TENM4: variants seen among roughly 807,000 people sequenced by gnomAD.
The protein encoded by TENM4 is teneurin-4.
TENM4 carries 82 observed loss-of-function variants against 243.3 expected under a neutral mutation model. That is an observed-to-expected ratio of 0.34 (90% CI 0.28 to 0.40). The LOEUF is 0.40. Ranked by LOEUF, TENM4 falls within the 10% of genes least tolerant of loss-of-function variation. The pLI, the probability that TENM4 is intolerant of heterozygous loss-of-function variation, is 1.00. For missense variants in TENM4, 3,138 were observed against 3,673.3 expected, an observed-to-expected ratio of 0.85 and a Z score of 3.77; for synonymous variants, 1,412 against 1,456.3, an observed-to-expected ratio of 0.97 and a Z score of 0.69.
intron 6 of TENM4, among the ~76,000 whole-genome samples, chr11:78,964,596 C>G (rs1857401627): frequency 6.6e-6 from 1 of 152,212 alleles, no homozygotes; most frequent in Admixed American, 6.5e-5. Context: ...CCTTGAGAGC[C>G]TGCCTTCCCT....
chr11:79,084,528 G>A lies in TENM4; in HGVS notation c.-65-14519C>T, dbSNP rs111846446. On this transcript the variant is annotated intron_variant, in intron 4 of 33. Coordinates refer to ENST00000278550, the MANE Select transcript of TENM4 (RefSeq NM_001098816.3). ...ACAGAATGCCATGGAATATGACTCCGTGATAAAAAACAATGAACTAATGCT... is the reference window on the plus strand; with the variant it reads ...ACAGAATGCCATGGAATATGACTCCATGATAAAAAACAATGAACTAATGCT... 4.5e-3 allele frequency among the ~76,000 whole-genome samples: 683 copies of A among 152,272 alleles called. 4 individuals carry two copies. Among genetic ancestry groups the A allele is most frequent in the African/African-American group, 0.016 (653 of 41,560 alleles).
chr11:78,926,691 C>T (rs11237661), intron 6 of TENM4, among the ~76,000 whole-genome samples: 33,088 of 92,476 alleles, frequency 0.36, 7,607 homozygotes, highest in African/African-American at 0.69. Context: ...TTTTTTTTTT[C>T]TGCCACAGAG....
At chr11:79,073,129 A>G (rs570723540) in intron 4 of TENM4, among the ~76,000 whole-genome samples, 57 of 152,346 alleles carry the variant, frequency 3.7e-4, no homozygotes, top group Admixed American at 3.1e-3. Flanking sequence ...GCAAATGGGT[A>G]TAACTGCTGT....
intron 6 of TENM4, among the ~76,000 whole-genome samples, chr11:79,020,871 A>G (rs1236946497): frequency 6.6e-6 from 1 of 152,214 alleles, no homozygotes; most frequent in Non-Finnish European, 1.5e-5. Flanking sequence ...GGCCCTAAAG[A>G]GAATTCCATA....
At chr11:79,100,633 C>A (rs886266283) in intron 4 of TENM4, among the ~76,000 whole-genome samples, 1 of 152,244 alleles carries the variant, frequency 6.6e-6, no homozygotes, top group Admixed American at 6.5e-5. Context: ...ACAGTAAGTG[C>A]TCAGTAAATA....
chr11:79,030,590 T>C (rs1859202816), intron 6 of TENM4, among the ~76,000 whole-genome samples: 1 of 152,032 alleles, frequency 6.6e-6, no homozygotes, highest in South Asian at 2.1e-4. Context: ...TCCTCTCCAA[T>C]TTTAGAAATT....
At chr11:79,292,129 C>T (rs992551631) in intron 2 of TENM4, among the ~76,000 whole-genome samples, 6 of 152,142 alleles carry the variant, frequency 3.9e-5, no homozygotes, top group African/African-American at 1.4e-4. Flanking sequence ...GCAATGAAAC[C>T]GGCATACTGT....
intron 20 of TENM4, 130 bp downstream of exon 20, chr11:78,738,320 TG>T: frequency 8.1e-7 from 1 of 1,241,980 alleles, no homozygotes; most frequent in Non-Finnish European, 1.1e-6. Flanking sequence ...GTTGCAGAGC[TG>T]GGCATTTGAA....
At chr11:79,162,499 T>C in intron 3 of TENM4, among the ~76,000 whole-genome samples, 1 of 152,034 alleles carries the variant, frequency 6.6e-6, no homozygotes, top group East Asian at 1.9e-4. Flanking sequence ...ATTATTATTG[T>C]TATCTGTCTG....
At chr11:78,941,047 C>T (rs1483909523) in intron 6 of TENM4, among the ~76,000 whole-genome samples, 1 of 152,136 alleles carries the variant, frequency 6.6e-6, no homozygotes, top group African/African-American at 2.4e-5. Flanking sequence ...TTTTGAATGC[C>T]CAGGCAGGCA....
chr11:79,225,977 G>A (rs985172759), intron 2 of TENM4, among the ~76,000 whole-genome samples: 1 of 152,156 alleles, frequency 6.6e-6, no homozygotes, highest in Non-Finnish European at 1.5e-5. Context: ...CAGGCCCACT[G>A]CTTCTAAATG....
At chr11:79,214,552 C>T (rs887976161) in intron 3 of TENM4, among the ~76,000 whole-genome samples, 11 of 152,164 alleles carry the variant, frequency 7.2e-5, no homozygotes, top group African/African-American at 2.7e-4. Context: ...TTTGGAAGAC[C>T]TTTGACAAGA....
intron 6 of TENM4, among the ~76,000 whole-genome samples, chr11:79,014,134 G>C (rs961218640): frequency 1.4e-5 from 2 of 145,668 alleles, no homozygotes; most frequent in African/African-American, 5.7e-5. Context: ...TAAAAGAATA[G>C]ATAACAAAAG....
At chr11:78,884,117 C>T (rs990496733) in intron 9 of TENM4, among the ~76,000 whole-genome samples, 1 of 152,138 alleles carries the variant, frequency 6.6e-6, no homozygotes, top group African/African-American at 2.4e-5. Context: ...GAAATTTCAC[C>T]CCAACCCTGT....
At chr11:78,911,911 C>G (rs969378090) in intron 6 of TENM4, among the ~76,000 whole-genome samples, 2 of 152,224 alleles carry the variant, frequency 1.3e-5, no homozygotes, top group African/African-American at 2.4e-5. Flanking sequence ...AGCTTCCGCT[C>G]TGAGTCTCAG....
intron 22 of TENM4, 28 bp from the exon 23 acceptor site, chr11:78,726,250 C>G (rs747539969): frequency 1.2e-6 from 2 of 1,609,710 alleles, no homozygotes; most frequent in Admixed American, 3.4e-5. Flanking sequence ...AGGCAAAATG[C>G]ATAAGTGAGC....
chr11:78,722,553 C>T lies in TENM4; in HGVS notation c.3800+115G>A, dbSNP rs151261052. 1.4e-4 allele frequency: 191 copies of T among 1,397,326 alleles called. No individual in the cohort carries two copies. In the East Asian group the frequency reaches 1.7e-3, roughly 12 times the overall value. 86.6% of individuals were successfully genotyped at this position (1,397,326 alleles called of 1,614,324 possible). A position where few individuals can be genotyped will look rare whatever the true frequency, so the allele number is the denominator to read the frequency against. ...GGAGGTGAAAAGTCTCAGAGCCTGA[C>T]GGGCAAGGCTCTGTCCTATCCCACT... On this transcript the variant is annotated intron_variant, in intron 24 of 33. Coordinates refer to ENST00000278550, the MANE Select transcript of TENM4 (RefSeq NM_001098816.3).
intron 18 of TENM4, among the ~76,000 whole-genome samples, chr11:78,757,339 T>C (rs1374319888): frequency 2.6e-5 from 4 of 152,236 alleles, no homozygotes; most frequent in African/African-American, 9.6e-5. Context: ...TGTGATGCTA[T>C]ATTCAAATGC....
intron 3 of TENM4, among the ~76,000 whole-genome samples, chr11:79,183,090 GAA>G: frequency 1.3e-5 from 2 of 152,148 alleles, no homozygotes; most frequent in South Asian, 4.1e-4. Context: ...CTTATGTCCA[GAA>G]AAAAACCAGC....
Sources: gnomAD v4.1 joint callset for allele counts (sites outside exome capture counted in the v4.1 genomes callset) on GRCh38, gnomAD v4.1.1 for gene constraint, MANE v1.5 for transcripts, NCBI Gene and HGNC (gene_info 2026-07-23, HGNC 2026-07-21) for gene names.